RSPO2: variants seen among roughly 807,000 people sequenced by gnomAD.
RSPO2 encodes the protein R-spondin-2.
In RSPO2, 14 loss-of-function variants were observed where a neutral mutation model predicts 30.9. That is an observed-to-expected ratio of 0.45 (90% confidence interval 0.30 to 0.71). The LOEUF is 0.71. Ranked by LOEUF, RSPO2 falls within the 30% of genes least tolerant of loss-of-function variation. The pLI is 0.08. For synonymous variants in RSPO2, 107 were observed against 96.4 expected (o/e 1.11, Z -0.64); for missense variants, 264 against 301.9 (o/e 0.87, Z 0.93).
intron 3 of RSPO2, among the ~76,000 whole-genome samples, chr8:107,968,989 C>T (rs1305320397): frequency 6.6e-6 from 1 of 152,088 alleles, no homozygotes; most frequent in Non-Finnish European, 1.5e-5. Context: ...TGATCACAAT[C>T]ATTTGTTGGG....
At chr8:108,028,208 C>A (rs1018204633) in intron 2 of RSPO2, among the ~76,000 whole-genome samples, 1 of 152,148 alleles carries the variant, frequency 6.6e-6, no homozygotes, top group East Asian at 1.9e-4. Context: ...TCTTGACCCC[C>A]CTAAACTGCT....
intron 2 of RSPO2, among the ~76,000 whole-genome samples, chr8:108,035,318 TCTTA>T (rs1811555562): frequency 6.6e-6 from 1 of 152,238 alleles, no homozygotes; most frequent in African/African-American, 2.4e-5. Flanking sequence ...TGGGGGGTTT[TCTTA>T]CTGTGTTTAG....
At chr8:108,042,137 C>T (rs1266525830) in intron 2 of RSPO2, among the ~76,000 whole-genome samples, 2 of 152,006 alleles carry the variant, frequency 1.3e-5, no homozygotes, top group African/African-American at 2.4e-5. Flanking sequence ...AAGGTCACTT[C>T]GTCAGGTAAT....
At chr8:107,977,174 T>C (rs1814245479) in intron 3 of RSPO2, among the ~76,000 whole-genome samples, 1 of 152,220 alleles carries the variant, frequency 6.6e-6, no homozygotes, top group South Asian at 2.1e-4. Context: ...ATACATTTCC[T>C]CATAATATCC....
intron 5 of RSPO2, among the ~76,000 whole-genome samples, chr8:107,908,546 G>C (rs1292235107): frequency 1.3e-5 from 2 of 152,146 alleles, no homozygotes; most frequent in Non-Finnish European, 1.5e-5. Flanking sequence ...CACTTTTACA[G>C]TAAGAGTACT....
chr8:107,977,634 A>G (rs76625795), intron 3 of RSPO2, among the ~76,000 whole-genome samples: 7 of 152,150 alleles, frequency 4.6e-5, no homozygotes, highest in Non-Finnish European at 8.8e-5. Context: ...CTACGTAAAA[A>G]AACTATACAA....
intron 2 of RSPO2, among the ~76,000 whole-genome samples, chr8:108,062,272 A>G (rs1812494272): frequency 6.6e-6 from 1 of 151,898 alleles, no homozygotes; most frequent in African/African-American, 2.4e-5. Context: ...AAGATCAACA[A>G]AATTGATAGC....
chr8:108,058,613 G>T (rs887541757), intron 2 of RSPO2, among the ~76,000 whole-genome samples: 6 of 152,094 alleles, frequency 3.9e-5, no homozygotes, highest in African/African-American at 1.2e-4. Context: ...CAAGGCTACA[G>T]TAACCAAAAC....
intron 2 of RSPO2, among the ~76,000 whole-genome samples, chr8:108,003,297 ATATATATATATATATTTTTT>A (rs1490814940): frequency 4.3e-5 from 1 of 23,326 alleles, no homozygotes; most frequent in African/African-American, 2.0e-4. Flanking sequence ...ATATATATAT[ATATATATATATATATTTTTT>A]TTTTTTTTTT....
At chr8:108,038,964 C>A (rs1022218947) in intron 2 of RSPO2, among the ~76,000 whole-genome samples, 2 of 152,024 alleles carry the variant, frequency 1.3e-5, no homozygotes, top group African/African-American at 2.4e-5. Flanking sequence ...ATTATCAGTA[C>A]CTAGGAAGTT....
intron 5 of RSPO2, among the ~76,000 whole-genome samples, chr8:107,941,417 T>C (rs949283080): frequency 3.3e-5 from 5 of 152,166 alleles, no homozygotes; most frequent in East Asian, 1.9e-4. Context: ...AAAAAATAGA[T>C]CACTGCAAAA....
intron 2 of RSPO2, among the ~76,000 whole-genome samples, chr8:107,998,735 T>G (rs1815115837): frequency 6.6e-6 from 1 of 152,150 alleles, no homozygotes; most frequent in South Asian, 2.1e-4. Flanking sequence ...TTCAAAATTC[T>G]AGAACTCCTA....
rs1004626524 is a variant in RSPO2, at chr8:107,900,319, G to GAAAT, written c.*752_*755dup. 2.0e-5 allele frequency: 3 copies of GAAAT among 151,250 alleles called. No homozygotes were observed. Among genetic ancestry groups the GAAAT allele is most frequent in the African/African-American group, 7.3e-5 (3 of 41,118 alleles). 9.4% of individuals were successfully genotyped at this position (151,250 alleles called of 1,614,324 possible). On this transcript the variant is annotated 3_prime_UTR_variant, in exon 6 of 6. Coordinates refer to ENST00000276659, the MANE Select transcript of RSPO2 (RefSeq NM_178565.5). ...CTAGTTTATCCTACCCTTACAATGAGAAATAAGCCCACAATGAGGGGAAAA... is the reference window on the plus strand; with the variant it reads ...CTAGTTTATCCTACCCTTACAATGAGAAATAAATAAGCCCACAATGAGGGGAAAA...
At chr8:107,993,456 C>A (rs1217963525) in intron 2 of RSPO2, among the ~76,000 whole-genome samples, 3 of 152,000 alleles carry the variant, frequency 2.0e-5, no homozygotes, top group Non-Finnish European at 4.4e-5. Context: ...TCAAAAGAAT[C>A]CAAACAGATA....
intron 5 of RSPO2, among the ~76,000 whole-genome samples, chr8:107,917,325 A>T (rs1210182643): frequency 1.3e-5 from 2 of 152,114 alleles, no homozygotes; most frequent in Non-Finnish European, 2.9e-5. Context: ...TCTCTACTAA[A>T]AATACAAAAA....
intron 4 of RSPO2, among the ~76,000 whole-genome samples, chr8:107,958,886 T>C (rs1813527963): frequency 6.6e-6 from 1 of 152,214 alleles, no homozygotes; most frequent in Non-Finnish European, 1.5e-5. Flanking sequence ...CTCGTTCTTT[T>C]TTATGGCTGC....
intron 2 of RSPO2, among the ~76,000 whole-genome samples, chr8:108,058,104 C>T (rs544866367): frequency 6.7e-6 from 1 of 148,962 alleles, no homozygotes; most frequent in South Asian, 2.1e-4. Context: ...ATGATATTGG[C>T]TGTGGGTGTG....
intron 5 of RSPO2, among the ~76,000 whole-genome samples, chr8:107,905,552 C>T (rs1383138066): frequency 6.6e-6 from 1 of 152,006 alleles, no homozygotes; most frequent in Non-Finnish European, 1.5e-5. Context: ...GAAACCTGGG[C>T]TTCACTGAAT....
intron 5 of RSPO2, among the ~76,000 whole-genome samples, chr8:107,947,504 G>A (rs1813103152): frequency 6.6e-6 from 1 of 152,172 alleles, no homozygotes; most frequent in South Asian, 2.1e-4. Flanking sequence ...AAGAGATACA[G>A]GGGCCACAGT....
Sources: allele counts gnomAD v4.1 joint callset (sites outside exome capture counted in the v4.1 genomes callset), GRCh38; gene constraint gnomAD v4.1.1; transcripts MANE v1.5; gene names NCBI Gene and HGNC (gene_info 2026-07-23, HGNC 2026-07-21).